PIK3CB: variants seen among roughly 807,000 people sequenced by gnomAD.
PIK3CB encodes the protein phosphatidylinositol 4,5-bisphosphate 3-kinase catalytic subunit beta isoform.
In PIK3CB, 39 loss-of-function variants were observed where a neutral mutation model predicts 136.8. The observed-to-expected ratio is 0.29, with a 90% CI of 0.22 to 0.37. The LOEUF is 0.37. Ranked by LOEUF, PIK3CB falls within the 10% of genes least tolerant of loss-of-function variation. PIK3CB has a pLI of 1.00. For missense variants in PIK3CB, 868 were observed against 1,275.4 expected, an observed-to-expected ratio of 0.68 and a Z score of 4.87; for synonymous variants, 428 against 436.6, an observed-to-expected ratio of 0.98 and a Z score of 0.25.
intron 12 of PIK3CB, among the ~76,000 whole-genome samples, chr3:138,703,607 AATGTAGATATAGATATAGATATATAG>A (rs2044302257): frequency 6.6e-6 from 1 of 151,734 alleles, no homozygotes; most frequent in Non-Finnish European, 1.5e-5. Context: ...TAGATATATA[AATGTAGATATAGATATAGATATATAG>A]ATGTAGATAT....
intron 4 of PIK3CB, among the ~76,000 whole-genome samples, chr3:138,746,146 T>G (rs2045350800): frequency 6.6e-6 from 1 of 151,682 alleles, no homozygotes; most frequent in African/African-American, 2.4e-5. Flanking sequence ...CTCAGGAGGC[T>G]GAGGTGGGAG....
In PIK3CB at chr3:138,724,517, C is replaced by T. The variant is rs151267090; in HGVS notation, c.1050+8844G>A. ...GGCCACTGTTAAGTCGGTCTCTGTC[C>T]TCCCTCCCCACTCCAGAAGTCCCGG... On this transcript the variant is annotated intron_variant, in intron 8 of 23. Coordinates refer to ENST00000674063, the MANE Select transcript of PIK3CB (RefSeq NM_006219.3). Among the ~76,000 whole-genome samples, 656 of 152,220 alleles carry T rather than the reference C, an allele frequency of 4.3e-3. 4 individuals carry two copies. The highest frequency in any genetic ancestry group is 6.3e-3 in the Non-Finnish European group (429 of 68,002).
At chr3:138,782,116 A>G (rs2045930097) in intron 2 of PIK3CB, among the ~76,000 whole-genome samples, 1 of 152,228 alleles carries the variant, frequency 6.6e-6, no homozygotes, top group South Asian at 2.1e-4. Flanking sequence ...TAGACTATTT[A>G]AACAAGTTAT....
In PIK3CB at chr3:138,742,743, T is replaced by G. The variant is rs768239977; in HGVS notation, c.436A>C (p.Asn146His). 4 of 1,613,222 alleles carry G rather than the reference T, an allele frequency of 2.5e-6. No homozygotes were observed. The South Asian group carries it at 4.4e-5, about 18-fold the overall frequency. The change falls in exon 5 of 24, where the codon AAT (asparagine) becomes CAT (histidine). Residue 146 changes from asparagine to histidine, a missense_variant. Around this residue, in one of 4 missense-constraint regions of PIK3CB, gnomAD observed 612 missense variants for 801.1 expected, o/e 0.76. Coordinates refer to ENST00000674063, the MANE Select transcript of PIK3CB (RefSeq NM_006219.3). ...EFDSLKDPEVNEFRRKMRKFS... is the reference protein window; with the variant it reads ...EFDSLKDPEVHEFRRKMRKFS... ...TTGCGCATTTTTCTTCGAAATTCAT[T>G]TACTTCAGGATCCTTCAAGGAATCA...
chr3:138,747,012 C>T, intron 4 of PIK3CB, among the ~76,000 whole-genome samples: 1 of 124,340 alleles, frequency 8.0e-6, no homozygotes, highest in Non-Finnish European at 1.6e-5. Flanking sequence ...GCAACCACAG[C>T]TGCAGACCTC....
At chr3:138,789,540 T>C (rs184291303) in intron 2 of PIK3CB, among the ~76,000 whole-genome samples, 6 of 152,158 alleles carry the variant, frequency 3.9e-5, no homozygotes, top group African/African-American at 1.2e-4. Context: ...GCAAAAGAAA[T>C]GAAAGCAGGG....
chr3:138,693,741 T>C (rs113981208), intron 14 of PIK3CB, among the ~76,000 whole-genome samples: 30 of 151,784 alleles, frequency 2.0e-4, no homozygotes, highest in African/African-American at 6.8e-4. Context: ...AACTAATGCA[T>C]ATGGCAAGAC....
chr3:138,691,284 TACC>T (rs2044002774), intron 14 of PIK3CB, 141 bp from the exon 15 acceptor site: 1 of 686,424 alleles, frequency 1.5e-6, no homozygotes, highest in Non-Finnish European at 2.4e-6. Flanking sequence ...TCCTTCACTG[TACC>T]ACTGTTACAA....
At chr3:138,700,297 G>C (rs1199787674) in intron 12 of PIK3CB, among the ~76,000 whole-genome samples, 1 of 151,928 alleles carries the variant, frequency 6.6e-6, no homozygotes, top group African/African-American at 2.4e-5. Context: ...ACAAATAAAA[G>C]GAATAAACTG....
In PIK3CB at chr3:138,712,249, C is replaced by T; in HGVS notation, c.1358G>A (p.Arg453Lys). Reference sequence around the variant, plus strand: ...GCTGTGTAATATTATGTCTCCAGTTCTCAATTGTCCTTTAAAGTCAAAAAC... The same window carrying T: ...GCTGTGTAATATTATGTCTCCAGTTTTCAATTGTCCTTTAAAGTCAAAAAC... ...TMVFDFKGQL[R>K]TGDIILHSWS... Residue 453 changes from arginine to lysine, a missense_variant, in exon 10 of 24, where the codon AGA (arginine) becomes AAA (lysine). Physicochemically the swap from Arg to Lys is conservative, Grantham distance 26 (BLOSUM62 2). Coordinates refer to ENST00000674063, the MANE Select transcript of PIK3CB (RefSeq NM_006219.3). The T allele has an allele frequency of 6.3e-7, 1 of 1,586,360 alleles. No homozygotes were observed. The highest frequency in any genetic ancestry group is 8.6e-7 in the Non-Finnish European group (1 of 1,162,502).
Position 138,806,578 on chromosome 3 carries a change from G to C in PIK3CB, c.-121-10011C>G, listed in dbSNP as rs185012966. The stretch of plus-strand genomic sequence containing the variant: ...TTTCCAAGAGTGACATAGTTGTATG[G>C]ACAATGCTAGAACTGAAGAGAGGAA... On this transcript the variant is annotated intron_variant, in intron 1 of 23. Coordinates refer to ENST00000674063, the MANE Select transcript of PIK3CB (RefSeq NM_006219.3). Among the ~76,000 whole-genome samples the C allele has an allele frequency of 1.7e-3, 259 of 152,300 alleles. 1 individual carries two copies. The highest frequency in any genetic ancestry group is 2.8e-3 in the Non-Finnish European group (190 of 68,030).
intron 19 of PIK3CB, among the ~76,000 whole-genome samples, chr3:138,668,325 T>A (rs929339235): frequency 1.3e-5 from 2 of 152,106 alleles, no homozygotes; most frequent in African/African-American, 4.8e-5. Flanking sequence ...AACTTCCTTT[T>A]CAAAAGCAGG....
chr3:138,825,205 T>C (rs1933730708), intron 1 of PIK3CB: 1 of 318,968 alleles, frequency 3.1e-6, no homozygotes, highest in East Asian at 6.5e-5. Context: ...AAGTATTACG[T>C]GACCATCACT....
At chr3:138,673,509 A>G (rs1427414046) in intron 19 of PIK3CB, among the ~76,000 whole-genome samples, 1 of 152,204 alleles carries the variant, frequency 6.6e-6, no homozygotes, top group Non-Finnish European at 1.5e-5. Flanking sequence ...AAGGCTTCTG[A>G]GGAAAGCAGT....
At chr3:138,795,085 C>T (rs1446166863) in intron 2 of PIK3CB, among the ~76,000 whole-genome samples, 4 of 151,370 alleles carry the variant, frequency 2.6e-5, no homozygotes, top group Non-Finnish European at 5.9e-5. Flanking sequence ...TTTGGGAGGC[C>T]GAGGCAGGCA....
chr3:138,734,121 CTG>C (rs1314551782), intron 7 of PIK3CB, among the ~76,000 whole-genome samples: 1 of 152,024 alleles, frequency 6.6e-6, no homozygotes, highest in Non-Finnish European at 1.5e-5. Flanking sequence ...AAAGTATTAA[CTG>C]TTCAAATAAA....
intron 4 of PIK3CB, among the ~76,000 whole-genome samples, chr3:138,746,141 G>A (rs1576381425): frequency 6.6e-6 from 1 of 152,052 alleles, no homozygotes; most frequent in East Asian, 1.9e-4. Context: ...AGCTACTCAG[G>A]AGGCTGAGGT....
intron 4 of PIK3CB, among the ~76,000 whole-genome samples, chr3:138,753,144 G>C (rs1422972782): frequency 6.6e-6 from 1 of 152,220 alleles, no homozygotes; most frequent in Non-Finnish European, 1.5e-5. Flanking sequence ...TTGACCCTGG[G>C]AGGCTGAGGC....
chr3:138,661,169 A>G (rs2043289128), intron 21 of PIK3CB, among the ~76,000 whole-genome samples: 2 of 152,182 alleles, frequency 1.3e-5, no homozygotes, highest in South Asian at 4.1e-4. Context: ...CCTTTCTTGT[A>G]GTCTCTGTAG....
Sources: gnomAD v4.1 joint callset for allele counts (sites outside exome capture counted in the v4.1 genomes callset) on GRCh38, gnomAD v4.1.1 for gene constraint, gnomAD v4.1.1 regional missense constraint, MANE v1.5 for transcripts, NCBI Gene and HGNC (gene_info 2026-07-23, HGNC 2026-07-21) for gene names.